The following WNK1 variants were observed in gnomAD, a reference collection of about 807,000 sequenced individuals.
WNK1 encodes the protein serine/threonine-protein kinase WNK1.
In WNK1, 38 loss-of-function variants were observed where a neutral mutation model predicts 222.8. The observed-to-expected ratio is 0.17, with a 90% confidence interval of 0.13 to 0.22. The LOEUF (loss-of-function observed/expected upper bound fraction) is 0.22. WNK1 is among the 10% of genes least tolerant of loss of function. The pLI is 1.00. For missense variants in WNK1, 2,348 were observed against 2,918.4 expected, an observed-to-expected ratio of 0.80 and a Z score of 4.50; for synonymous variants, 1,090 against 1,092.9, an observed-to-expected ratio of 1.00 and a Z score of 0.05.
intron 1 of WNK1, among the ~76,000 whole-genome samples, chr12:795,166 G>A (rs1187076215): frequency 6.6e-6 from 1 of 152,086 alleles, no homozygotes; most frequent in African/African-American, 2.4e-5. Flanking sequence ...AATAATTGAT[G>A]TCAATTATTT....
At chr12:883,336 A>G (rs1953349320) in intron 15 of WNK1, 59 bp from the exon 16 acceptor site, 12 of 1,584,620 alleles carry the variant, frequency 7.6e-6, no homozygotes, top group Non-Finnish European at 1.0e-5. Flanking sequence ...GAAGTCATAA[A>G]AGTGACATAA....
In WNK1 at chr12:896,284, G is replaced by A. The variant is rs1423421362; in HGVS notation, c.5797G>A (p.Ala1933Thr). 5.6e-6 allele frequency: 9 copies of A among 1,614,094 alleles called. No homozygotes were observed. The South Asian group carries it at 6.6e-5, about 12-fold the overall frequency. ...TGCCCACAAAACTACTGCCTCAGAG[G>A]CAAAGTCAGACACTGGGCAGCCTAC... The part of the protein sequence containing the change: ...ESAHKTTASE[A>T]KSDTGQPTKV... Residue 1933 changes from alanine (A) to threonine (T), a missense_variant, in exon 24 of 28, where the codon GCA becomes ACA. Physicochemically the swap from Ala to Thr is moderately conservative, Grantham distance 58. This residue lies in a region of WNK1 where 1,144 missense variants were observed against 1,273.6 expected (regional missense o/e 0.90). Transcript: ENST00000315939.
Position 884,497 on chromosome 12 carries a change from C to G in WNK1, c.3845-152C>G. The G allele has an allele frequency of 3.3e-6, 3 of 922,150 alleles. No individual in the cohort carries two copies. The highest frequency in any genetic ancestry group is 4.9e-6 in the Non-Finnish European group (3 of 606,550). The allele number at this position is 922,150 out of a possible 1,614,324, so 57.1% of individuals were successfully genotyped here. On this transcript the variant is annotated intron_variant, in intron 18 of 27. Coordinates refer to ENST00000315939, the MANE Select transcript of WNK1 (RefSeq NM_018979.4). The surrounding 1 kb of genome is among the most constrained non-coding windows in gnomAD (Gnocchi z 5.6). ...TAGATATTGTAGTATGTGTTTATTT[C>G]TGCACTTAGTACTGTTGTCTATGTT...
At chr12:861,519 A>G (rs924242038) in intron 7 of WNK1, among the ~76,000 whole-genome samples, 176 bp downstream of exon 7, 1 of 152,224 alleles carries the variant, frequency 6.6e-6, no homozygotes, top group African/African-American at 2.4e-5. Context: ...CTAGGAGAAT[A>G]GAAGGATGGG....
intron 2 of WNK1, among the ~76,000 whole-genome samples, chr12:824,242 C>G (rs1239934180): frequency 7.3e-6 from 1 of 136,558 alleles, no homozygotes; most frequent in Admixed American, 7.7e-5. Context: ...TTTGTCCTAT[C>G]TGCACTGATG....
intron 3 of WNK1, among the ~76,000 whole-genome samples, chr12:829,240 C>T (rs907098930): frequency 3.8e-4 from 58 of 152,142 alleles, no homozygotes; most frequent in African/African-American, 1.3e-3. Flanking sequence ...GGATCACACA[C>T]TGTGCTCATA....
At chr12:828,917 T>G (rs1013246988) in intron 3 of WNK1, among the ~76,000 whole-genome samples, 1 of 152,250 alleles carries the variant, frequency 6.6e-6, no homozygotes, top group Non-Finnish European at 1.5e-5. Flanking sequence ...ACCAGTTATT[T>G]GTACATCTTT....
At chr12:833,880 T>A (rs767571708) in intron 4 of WNK1, among the ~76,000 whole-genome samples, 1 of 152,206 alleles carries the variant, frequency 6.6e-6, no homozygotes, top group Non-Finnish European at 1.5e-5. Context: ...AGCTTGATAC[T>A]AAGTAAAGGT....
At chr12:804,068 C>T (rs1946124692) in intron 1 of WNK1, among the ~76,000 whole-genome samples, 1 of 152,010 alleles carries the variant, frequency 6.6e-6, no homozygotes, top group African/African-American at 2.4e-5. Flanking sequence ...CTAAGATGAC[C>T]AATAGACACT....
rs1367498888 is a variant in WNK1 at position 865,289 on chromosome 12, G to A, written c.2139+3019G>A. On this transcript the variant is annotated intron_variant, in intron 8 of 27. Coordinates refer to ENST00000315939, the MANE Select transcript of WNK1 (RefSeq NM_018979.4). ...CCGAAAAGCTTTCTAAAGCATTGGA[G>A]AGTGTCCTGCCTATGCACTCTGCCT... 2 of 1,536,012 alleles carry A rather than the reference G, an allele frequency of 1.3e-6. No individual in the cohort carries two copies. The highest frequency in any genetic ancestry group is 1.7e-6 in the Non-Finnish European group (2 of 1,146,912).
intron 5 of WNK1, among the ~76,000 whole-genome samples, chr12:858,229 G>A (rs1357681319): frequency 2.7e-5 from 4 of 148,336 alleles, no homozygotes; most frequent in African/African-American, 7.5e-5. Context: ...TTGTCACGTC[G>A]CCTAGGCTGG....
At chr12:813,885 A>G (rs1057131639) in intron 2 of WNK1, 71 bp downstream of exon 2, 25 of 1,522,628 alleles carry the variant, frequency 1.6e-5, no homozygotes, top group Non-Finnish European at 2.1e-5. Context: ...TTTCAGGTCT[A>G]CCAGTTTCAC....
intron 1 of WNK1, among the ~76,000 whole-genome samples, chr12:755,929 C>G (rs940347137): frequency 6.6e-6 from 1 of 152,196 alleles, no homozygotes; most frequent in African/African-American, 2.4e-5. Context: ...GAGCGGAGAT[C>G]GCACCATCGC....
At chr12:860,304 G>GC (rs1377961216) in intron 6 of WNK1, among the ~76,000 whole-genome samples, 3 of 152,146 alleles carry the variant, frequency 2.0e-5, no homozygotes, top group African/African-American at 7.2e-5. Context: ...CTAGTAGGAA[G>GC]CCTTTGATGT....
chr12:764,510 C>T (rs913028424), intron 1 of WNK1, among the ~76,000 whole-genome samples: 1 of 144,228 alleles, frequency 6.9e-6, no homozygotes, highest in Admixed American at 6.9e-5. Flanking sequence ...GTGGCACATG[C>T]CTATATTCCC....
chr12:881,615 AAAAT>A (rs1953168009), intron 12 of WNK1, 73 bp from the exon 13 acceptor site: 1 of 1,252,978 alleles, frequency 8.0e-7, no homozygotes, highest in Admixed American at 1.7e-5. Context: ...GATAAGGAAA[AAAAT>A]AAGTAGATTA....
intron 4 of WNK1, chr12:851,376 G>A (rs1950409778): frequency 5.6e-6 from 6 of 1,070,668 alleles, no homozygotes; most frequent in Non-Finnish European, 5.7e-6. Context: ...GCGCAAAGTA[G>A]GTGGAGCATT....
chr12:753,718 C>A lies in WNK1; in HGVS notation c.153C>A (p.Thr51=). ...AAAADAVTGR[T]EEYRRRRHTM... Reference sequence around the variant, plus strand: ...CCGCCGACGCTGTGACCGGCAGGACCGAGGAGTACAGGCGCCGCCGCCACA... The same window carrying A: ...CCGCCGACGCTGTGACCGGCAGGACAGAGGAGTACAGGCGCCGCCGCCACA... Residue 51 remains threonine (T), a synonymous_variant, in exon 1 of 28, where the codon ACC becomes ACA. Transcript: ENST00000315939. This position sits in a 1 kb window ranked among gnomAD's most constrained non-coding sequence, Gnocchi z 5.2. 6.2e-7 allele frequency: 1 copy of A among 1,612,044 alleles called. No individual in the cohort carries two copies. Among genetic ancestry groups the A allele is most frequent in the South Asian group, 1.1e-5 (1 of 91,072 alleles).
At chr12:831,204 A>G (rs1469574102) in intron 4 of WNK1, among the ~76,000 whole-genome samples, 1 of 152,174 alleles carries the variant, frequency 6.6e-6, no homozygotes, top group Non-Finnish European at 1.5e-5. Context: ...TACTGCACAT[A>G]TGATATTGCA....
Sources: allele counts gnomAD v4.1 joint callset (sites outside exome capture counted in the v4.1 genomes callset), GRCh38; gene constraint gnomAD v4.1.1; regional missense constraint gnomAD v4.1.1; non-coding constraint Gnocchi (gnomAD v3.1); transcripts MANE v1.5; gene names NCBI Gene and HGNC (gene_info 2026-07-23, HGNC 2026-07-21).